Variants in MED12L observed in about 807,000 individuals in gnomAD.
MED12L encodes the protein mediator complex subunit 12L.
A neutral mutation model predicts 281.3 loss-of-function variants in MED12L; 60 were observed. The ratio of observed to expected loss-of-function variants is 0.21; its 90% CI spans 0.17 to 0.26. The LOEUF is 0.26. MED12L is among the 10% of genes least tolerant of loss of function. The probability of loss-of-function intolerance (pLI) is 1.00; values close to 1 mark genes in which losing one functional copy is unlikely to be tolerated. For synonymous variants in MED12L, 974 were observed against 987.2 expected (o/e 0.99, Z 0.25); for missense variants, 2,146 against 2,680.9 (o/e 0.80, Z 4.41).
At chr3:151,146,830 T>C (rs1392263112) in intron 5 of MED12L, among the ~76,000 whole-genome samples, 1 of 152,188 alleles carries the variant, frequency 6.6e-6, no homozygotes, top group Non-Finnish European at 1.5e-5. Flanking sequence ...TTTTCTCTCT[T>C]TTCCTGCTCT....
chr3:151,325,999 C>G (rs1749546758), intron 16 of MED12L, among the ~76,000 whole-genome samples: 2 of 152,142 alleles, frequency 1.3e-5, no homozygotes, highest in South Asian at 4.1e-4. Flanking sequence ...ATCAAGAGTA[C>G]TTTCTAAAGG....
chr3:151,427,097 G>C (rs1000185025), intron 43 of MED12L, among the ~76,000 whole-genome samples: 3 of 152,156 alleles, frequency 2.0e-5, no homozygotes, highest in African/African-American at 7.2e-5. Context: ...GGGATTACAG[G>C]TGTGACTCAC....
In MED12L at chr3:151,086,909, C is replaced by T. The variant is rs775747955; in HGVS notation, c.-18C>T. On this transcript the variant is annotated 5_prime_UTR_variant, in exon 2 of 45. Coordinates refer to ENST00000687756, the MANE Select transcript of MED12L (RefSeq NM_001393769.1). ...CAGCTCCAACTCTCATTCATTTCGC[C>T]GGTTAACATGAGAGATCATGGCCGC... 4 of 1,566,778 alleles carry T rather than the reference C, an allele frequency of 2.6e-6. No individual in the cohort carries two copies. The highest frequency in any genetic ancestry group is 2.7e-5 in the African/African-American group (2 of 73,386).
At chr3:151,143,217 C>T (rs756115342) in intron 5 of MED12L, among the ~76,000 whole-genome samples, 36 of 152,094 alleles carry the variant, frequency 2.4e-4, no homozygotes, top group Admixed American at 2.0e-4. Flanking sequence ...TTATTTTACA[C>T]GGTCATCTGG....
At chr3:151,206,586 T>TC (rs1480600929) in intron 16 of MED12L, among the ~76,000 whole-genome samples, 4 of 151,752 alleles carry the variant, frequency 2.6e-5, no homozygotes, top group Non-Finnish European at 4.4e-5. Context: ...ATGCTTTTTT[T>TC]CCCCCATTTG....
At chr3:151,151,009 A>G (rs1016682985) in intron 5 of MED12L, among the ~76,000 whole-genome samples, 2 of 97,168 alleles carry the variant, frequency 2.1e-5, no homozygotes, top group African/African-American at 8.3e-5. Context: ...CTTTCTTATC[A>G]TTTGTATGAC....
Position 151,316,693 on chromosome 3 carries a change from G to C in MED12L, c.2251-33366G>C, listed in dbSNP as rs1388173023. On this transcript the variant is annotated intron_variant, in intron 16 of 44. Transcript: ENST00000687756. ...AAGCTTTGAAACTAAGGTCGGCAGG[G>C]AAGTGGATTTTCTGGTAAAGCATGA... The C allele has an allele frequency of 2.6e-5, 4 of 152,282 alleles. No homozygotes were observed. In the East Asian group the frequency reaches 7.7e-4, roughly 29 times the overall value. The allele number at this position is 152,282 out of a possible 1,614,324, so 9.4% of individuals were successfully genotyped here.
chr3:151,092,374 A>G (rs1177224324), intron 2 of MED12L, among the ~76,000 whole-genome samples: 1 of 152,232 alleles, frequency 6.6e-6, no homozygotes, highest in Admixed American at 6.5e-5. Context: ...GCTGGAATGT[A>G]AGCTGCATGA....
At chr3:151,425,770 C>A (rs1351424187) in intron 43 of MED12L, 1 of 456,434 alleles carries the variant, frequency 2.2e-6, no homozygotes, top group South Asian at 1.5e-5. Flanking sequence ...TCATGTTAAA[C>A]CATATGTTTG....
intron 16 of MED12L, among the ~76,000 whole-genome samples, chr3:151,301,988 G>A (rs77136195): frequency 0.047 from 7,198 of 152,308 alleles, 184 homozygotes; most frequent in East Asian, 0.12. Context: ...ATAGTTAAAA[G>A]CAGAAAGAAG....
At chr3:151,401,830 A>G (rs1336543442) in intron 39 of MED12L, among the ~76,000 whole-genome samples, 1 of 152,188 alleles carries the variant, frequency 6.6e-6, no homozygotes, top group Admixed American at 6.5e-5. Context: ...GGTAGAAAGC[A>G]TGTTCAGGGA....
chr3:151,234,812 C>T (rs1244290346), intron 16 of MED12L, among the ~76,000 whole-genome samples: 1 of 152,200 alleles, frequency 6.6e-6, no homozygotes, highest in African/African-American at 2.4e-5. Context: ...CTATCATTAA[C>T]CCTGCTGTCA....
At chr3:151,375,474 C>A (rs1756718697) in intron 27 of MED12L, among the ~76,000 whole-genome samples, 1 of 152,136 alleles carries the variant, frequency 6.6e-6, no homozygotes, top group African/African-American at 2.4e-5. Flanking sequence ...CCCACTCACA[C>A]TGGACCCAGC....
At chr3:151,163,241 G>T (rs1341530767) in intron 8 of MED12L, among the ~76,000 whole-genome samples, 2 of 152,144 alleles carry the variant, frequency 1.3e-5, no homozygotes, top group Non-Finnish European at 2.9e-5. Context: ...GTGTCTGCAA[G>T]TGTCTAGGGC....
At chr3:151,242,290 C>T (rs1356096843) in intron 16 of MED12L, among the ~76,000 whole-genome samples, 2 of 152,254 alleles carry the variant, frequency 1.3e-5, no homozygotes, top group Non-Finnish European at 2.9e-5. Flanking sequence ...AGGAGGCCTG[C>T]CTGCCTCTCT....
At chr3:151,219,974 A>G (rs1187498705) in intron 16 of MED12L, among the ~76,000 whole-genome samples, 2 of 149,090 alleles carry the variant, frequency 1.3e-5, no homozygotes, top group African/African-American at 2.5e-5. Context: ...CCATGAAATC[A>G]TAAGTCTAAT....
intron 16 of MED12L, among the ~76,000 whole-genome samples, chr3:151,250,097 G>T (rs190860330): frequency 3.3e-5 from 5 of 152,178 alleles, no homozygotes; most frequent in Admixed American, 2.0e-4. Flanking sequence ...ATCCAAACTT[G>T]TTGGAAATGG....
rs2149096532 is a variant in MED12L at position 151,190,833 on chromosome 3, C to T, written c.1870C>T (p.Arg624Ter). ...HDAYMCTLIS[R>*]GDLSVTASTR... ...CGCATACATGTGTACCCTCATATCT[C>T]GAGGAGATTTGTCAGTCACTGCCTC... Residue 624 changes from arginine to a stop codon, truncating the protein, a stop_gained, in exon 14 of 45, where the codon CGA becomes TGA. Transcript: ENST00000687756. LOFTEE classifies it high-confidence loss of function. The T allele has an allele frequency of 6.2e-7, 1 of 1,614,128 alleles. No homozygotes were observed. Among genetic ancestry groups the T allele is most frequent in the Non-Finnish European group, 8.5e-7 (1 of 1,180,024 alleles).
At chr3:151,393,439 A>G (rs187186519) in intron 38 of MED12L, among the ~76,000 whole-genome samples, 1 of 152,290 alleles carries the variant, frequency 6.6e-6, no homozygotes, top group East Asian at 1.9e-4. Context: ...GTAGAGGAAG[A>G]AGTCAAGTAT....
Sources: allele counts gnomAD v4.1 joint callset (sites outside exome capture counted in the v4.1 genomes callset), GRCh38; gene constraint gnomAD v4.1.1; transcripts MANE v1.5; gene names NCBI Gene and HGNC (gene_info 2026-07-23, HGNC 2026-07-21).